Variants in KYAT3 observed in about 807,000 individuals in gnomAD.
KYAT3 encodes kynurenine aminotransferase 3, also known as kynurenine--oxoglutarate transaminase 3.
Under a neutral mutation model 59.0 loss-of-function variants are expected in KYAT3, and 50 were observed. The observed-to-expected ratio is 0.85, with a 90% CI of 0.68 to 1.07. KYAT3 has a LOEUF of 1.07. Among genes scored for constraint, KYAT3 ranks in the 50% least tolerant of loss-of-function variants. The pLI, the probability that KYAT3 is intolerant of heterozygous loss-of-function variation, is 0.00. For synonymous variants in KYAT3, 148 were observed against 177.0 expected, an observed-to-expected ratio of 0.84 and a Z score of 1.30; for missense variants, 497 against 533.3, an observed-to-expected ratio of 0.93 and a Z score of 0.67.
chr1:88,973,652 A>G (rs1676644249), intron 2 of KYAT3, among the ~76,000 whole-genome samples: 1 of 152,240 alleles, frequency 6.6e-6, no homozygotes, highest in African/African-American at 2.4e-5. Context: ...AATCAAAGGT[A>G]GCATCTTTTA....
intron 1 of KYAT3, among the ~76,000 whole-genome samples, chr1:88,989,962 T>C (rs1677690705): frequency 6.6e-6 from 1 of 152,186 alleles, no homozygotes; most frequent in Non-Finnish European, 1.5e-5. Context: ...CACTGCAGCA[T>C]TTCTACTATA....
At chr1:88,974,691 C>A (rs188139698) in intron 2 of KYAT3, among the ~76,000 whole-genome samples, 1 of 151,960 alleles carries the variant, frequency 6.6e-6, no homozygotes, top group African/African-American at 2.4e-5. Flanking sequence ...CACCAATCAG[C>A]GCTCTGTGTC....
At chr1:88,961,972 G>T in intron 6 of KYAT3, 87 bp downstream of exon 6, 1 of 909,980 alleles carries the variant, frequency 1.1e-6, no homozygotes, top group East Asian at 2.5e-5. Flanking sequence ...AATCAAAGTA[G>T]AAACTTTATC....
rs1044389383 is a variant in KYAT3, at chr1:88,953,573, A to C, written c.865-421T>G. 2.0e-5 allele frequency among the ~76,000 whole-genome samples: 3 copies of C among 150,578 alleles called. 1 individual carries two copies. Among genetic ancestry groups the C allele is most frequent in the Middle Eastern group, 6.4e-3 (2 of 312 alleles). ...AAAAAAAAAAAAAAAAAAAGTTCAC[A>C]CTATGAAAGTAGTACAGTATTAGTA... On this transcript the variant is annotated intron_variant, in intron 9 of 13. Coordinates refer to ENST00000260508, the MANE Select transcript of KYAT3 (RefSeq NM_001008661.3).
chr1:88,924,639 T>C, the KYAT3 span, among the ~76,000 whole-genome samples: 1 of 152,204 alleles, frequency 6.6e-6, no homozygotes, highest in Non-Finnish European at 1.5e-5. Flanking sequence ...AGCTGAGCTT[T>C]TGCTCGCCGT....
the KYAT3 span, among the ~76,000 whole-genome samples, chr1:88,925,269 A>G: frequency 2.0e-5 from 3 of 152,180 alleles, no homozygotes; most frequent in African/African-American, 7.2e-5. Context: ...GCACAGCCAG[A>G]AGTCTCTACA....
intron 1 of KYAT3, among the ~76,000 whole-genome samples, chr1:88,991,983 G>GTT (rs10638041): frequency 0.18 from 26,394 of 144,630 alleles, 3,545 homozygotes; most frequent in African/African-American, 0.36. Context: ...TATTCTTTTG[G>GTT]TTTTTTTTTT....
At chr1:88,945,778 T>C (rs1259107262) in intron 11 of KYAT3, among the ~76,000 whole-genome samples, 1 of 152,198 alleles carries the variant, frequency 6.6e-6, no homozygotes, top group Non-Finnish European at 1.5e-5. Flanking sequence ...TTTTAGTATA[T>C]GGAAGAATTA....
At chr1:88,976,310 T>C (rs1676788398) in intron 2 of KYAT3, among the ~76,000 whole-genome samples, 1 of 151,434 alleles carries the variant, frequency 6.6e-6, no homozygotes, top group South Asian at 2.1e-4. Context: ...TAAGCCGAGA[T>C]CACGCCACTG....
At chr1:88,981,655 C>T (rs1570835703) in intron 2 of KYAT3, 1 of 172,218 alleles carries the variant, frequency 5.8e-6, no homozygotes. Context: ...CCGCCTTCTG[C>T]TTCAACAACT....
rs746199518 is a variant in KYAT3, at chr1:88,969,484, T to C, written c.100-17A>G. 1 of 1,481,454 alleles carries C rather than the reference T, an allele frequency of 6.8e-7. No homozygotes were observed. Among genetic ancestry groups the C allele is most frequent in the Non-Finnish European group, 9.4e-7 (1 of 1,063,362 alleles). 91.8% of individuals were successfully genotyped at this position (1,481,454 alleles called of 1,614,324 possible). On this transcript the variant is annotated splice_polypyrimidine_tract_variant and intron_variant, in intron 2 of 13. Transcript: ENST00000260508. ...TGACATTTTCTGAAATATATAAATATTGAAAAGGAATTGCCTTAGTCAAAA... is the reference window on the plus strand; with the variant it reads ...TGACATTTTCTGAAATATATAAATACTGAAAAGGAATTGCCTTAGTCAAAA...
intron 5 of KYAT3, 73 bp from the exon 6 acceptor site, chr1:88,962,218 G>T: frequency 1.8e-6 from 2 of 1,112,084 alleles, no homozygotes; most frequent in Non-Finnish European, 2.8e-6. Context: ...TACCTACTAT[G>T]GGCTAGGCAC....
intron 1 of KYAT3, among the ~76,000 whole-genome samples, chr1:88,989,891 G>A (rs1677688463): frequency 6.6e-6 from 1 of 152,190 alleles, no homozygotes; most frequent in Non-Finnish European, 1.5e-5. Flanking sequence ...GCTGGAGAAA[G>A]TCCCACGGGA....
intron 10 of KYAT3, among the ~76,000 whole-genome samples, chr1:88,951,671 T>G (rs1675682146): frequency 6.6e-6 from 1 of 151,476 alleles, no homozygotes; most frequent in Non-Finnish European, 1.5e-5. Flanking sequence ...ATTTAAATAG[T>G]TTTTCTTTTT....
intron 8 of KYAT3, among the ~76,000 whole-genome samples, chr1:88,957,200 A>G (rs1675956134): frequency 6.6e-6 from 1 of 152,238 alleles, no homozygotes; most frequent in African/African-American, 2.4e-5. Flanking sequence ...TCTGTGGAAT[A>G]TGACAAAACC....
chr1:88,989,286 T>A (rs951620120), intron 1 of KYAT3, among the ~76,000 whole-genome samples: 6 of 152,096 alleles, frequency 3.9e-5, no homozygotes, highest in Non-Finnish European at 8.8e-5. Context: ...AGAAGGATAA[T>A]ACATCATGAC....
chr1:88,946,934 CT>C (rs1204367022), intron 11 of KYAT3, among the ~76,000 whole-genome samples: 1 of 152,202 alleles, frequency 6.6e-6, no homozygotes, highest in East Asian at 1.9e-4. Flanking sequence ...ATTCTTATGA[CT>C]GTATGTTGTC....
chr1:88,943,335 A>C lies in KYAT3; in HGVS notation c.1215+15T>G. Reference sequence around the variant, plus strand: ...TAAAATATAACAGAATCTTGCAAAGAACAATAAACATTACCTTATGTTTAG... The same window carrying C: ...TAAAATATAACAGAATCTTGCAAAGCACAATAAACATTACCTTATGTTTAG... On this transcript the variant is annotated intron_variant, in intron 12 of 13. Coordinates refer to ENST00000260508, the MANE Select transcript of KYAT3 (RefSeq NM_001008661.3). 7.1e-7 allele frequency: 1 copy of C among 1,413,794 alleles called. No homozygotes were observed. Among genetic ancestry groups the C allele is most frequent in the South Asian group, 1.2e-5 (1 of 82,086 alleles). 87.6% of individuals were successfully genotyped at this position (1,413,794 alleles called of 1,614,324 possible). A position where few individuals can be genotyped will look rare whatever the true frequency, so the allele number is the denominator to read the frequency against.
chr1:88,922,811 T>C, the KYAT3 span, among the ~76,000 whole-genome samples: 1 of 152,210 alleles, frequency 6.6e-6, no homozygotes, highest in African/African-American at 2.4e-5. Flanking sequence ...CAAATTGGCT[T>C]AAGACATTTA....
Sources: gnomAD v4.1 joint callset for allele counts (sites outside exome capture counted in the v4.1 genomes callset) on GRCh38, gnomAD v4.1.1 for gene constraint, MANE v1.5 for transcripts, NCBI Gene and HGNC (gene_info 2026-07-23, HGNC 2026-07-21) for gene names.